GPC6: variants seen among roughly 807,000 people sequenced by gnomAD.
GPC6 encodes glypican 6.
GPC6 carries 14 observed loss-of-function variants against 55.2 expected under a neutral mutation model. The observed-to-expected ratio is 0.25, with a 90% CI of 0.17 to 0.40. GPC6 has a LOEUF of 0.40. GPC6 is among the 10% of genes least tolerant of loss of function. The pLI is 1.00. For missense variants in GPC6, 641 were observed against 708.5 expected (o/e 0.90, Z 1.08); for synonymous variants, 278 against 259.6 (o/e 1.07, Z -0.68).
intron 2 of GPC6, among the ~76,000 whole-genome samples, chr13:93,804,947 A>G (rs894849874): frequency 2.6e-5 from 4 of 152,238 alleles, no homozygotes; most frequent in Non-Finnish European, 2.9e-5. Flanking sequence ...ACATAGCAGC[A>G]GTTTATGGGC....
chr13:93,528,635 T>C (rs960804105), intron 1 of GPC6, among the ~76,000 whole-genome samples: 1 of 152,184 alleles, frequency 6.6e-6, no homozygotes. Flanking sequence ...TATTTGAATA[T>C]GAAGTTTTTG....
intron 2 of GPC6, among the ~76,000 whole-genome samples, chr13:93,656,121 G>A (rs1283817117): frequency 6.6e-6 from 1 of 152,004 alleles, no homozygotes; most frequent in Non-Finnish European, 1.5e-5. Context: ...GCAAACAGTA[G>A]GTTCATGTTT....
intron 1 of GPC6, among the ~76,000 whole-genome samples, chr13:93,297,416 C>A (rs2139088958): frequency 6.6e-6 from 1 of 152,188 alleles, no homozygotes; most frequent in Middle Eastern, 3.4e-3. Context: ...GTGTAGCAAA[C>A]CTGCACATGT....
At chr13:93,377,400 T>A (rs573835578) in intron 1 of GPC6, among the ~76,000 whole-genome samples, 1 of 151,964 alleles carries the variant, frequency 6.6e-6, no homozygotes, top group Admixed American at 6.6e-5. Context: ...AGGTGGAGAG[T>A]GTCTTGCACA....
chr13:94,187,984 A>T (rs1319311721), intron 4 of GPC6: 1 of 152,196 alleles, frequency 6.6e-6, no homozygotes, highest in East Asian at 1.9e-4. Context: ...TAATTGCTAA[A>T]TCCACACTGG....
intron 4 of GPC6, among the ~76,000 whole-genome samples, chr13:94,220,615 A>C (rs578010915): frequency 6.6e-6 from 1 of 152,232 alleles, no homozygotes; most frequent in South Asian, 2.1e-4. Context: ...TAGTCCTGGA[A>C]ACTAGAAGTT....
intron 4 of GPC6, among the ~76,000 whole-genome samples, chr13:94,062,257 G>GT (rs1460081351): frequency 4.0e-5 from 6 of 151,258 alleles, no homozygotes; most frequent in East Asian, 2.0e-4. Flanking sequence ...GTTTTGTTTT[G>GT]TTTTTTCTTT....
intron 2 of GPC6, among the ~76,000 whole-genome samples, chr13:93,752,723 A>G (rs551262437): frequency 6.6e-6 from 1 of 152,202 alleles, no homozygotes; most frequent in African/African-American, 2.4e-5. Context: ...GGACCTGAGG[A>G]CCTAAAGGCC....
At chr13:93,906,440 CAA>C (rs1330245263) in intron 3 of GPC6, among the ~76,000 whole-genome samples, 1 of 152,104 alleles carries the variant, frequency 6.6e-6, no homozygotes, top group East Asian at 1.9e-4. Flanking sequence ...CAGTGTCTTA[CAA>C]AGAGTCATTC....
chr13:93,295,288 C>T (rs1303078313), intron 1 of GPC6, among the ~76,000 whole-genome samples: 2 of 44,256 alleles, frequency 4.5e-5, no homozygotes, highest in Admixed American at 6.7e-4. Context: ...GAGACCCTGT[C>T]TCAAAAAAAA....
chr13:93,485,131 T>A (rs1180434688), intron 1 of GPC6, among the ~76,000 whole-genome samples: 1 of 152,178 alleles, frequency 6.6e-6, no homozygotes, highest in East Asian at 1.9e-4. Flanking sequence ...GAAGGCTTTT[T>A]AAAGGAATTA....
chr13:93,868,964 T>C (rs1006314598), intron 3 of GPC6, among the ~76,000 whole-genome samples: 17 of 151,850 alleles, frequency 1.1e-4, no homozygotes, highest in Non-Finnish European at 1.8e-4. Flanking sequence ...ATTCTTTATG[T>C]AGTGCTCAAT....
intron 4 of GPC6, among the ~76,000 whole-genome samples, chr13:94,028,509 T>TAA (rs35971946): frequency 0.016 from 2,352 of 147,940 alleles, 54 homozygotes; most frequent in South Asian, 0.063. Flanking sequence ...AAGAATCTTG[T>TAA]AAAAAAAAAA....
intron 4 of GPC6, among the ~76,000 whole-genome samples, chr13:94,204,159 G>A (rs1889836267): frequency 6.6e-6 from 1 of 152,112 alleles, no homozygotes; most frequent in South Asian, 2.1e-4. Context: ...AGGACAAAGA[G>A]TCAAAAAGCA....
intron 2 of GPC6, among the ~76,000 whole-genome samples, chr13:93,744,850 C>T (rs974116439): frequency 5.3e-5 from 8 of 151,662 alleles, no homozygotes; most frequent in Non-Finnish European, 1.2e-4. Context: ...GGAGAATTGC[C>T]TGAACCCAGG....
At chr13:94,172,757 AC>A (rs1327307542) in intron 4 of GPC6, among the ~76,000 whole-genome samples, 14 of 152,338 alleles carry the variant, frequency 9.2e-5, no homozygotes, top group Admixed American at 2.6e-4. Flanking sequence ...TACATAAATG[AC>A]CAAGTTACGT....
chr13:94,273,845 T>C (rs1892120615), intron 4 of GPC6, among the ~76,000 whole-genome samples: 1 of 152,222 alleles, frequency 6.6e-6, no homozygotes, highest in Admixed American at 6.5e-5. Flanking sequence ...CTATGACTCA[T>C]CTTTAAGGCA....
chr13:93,575,147 A>G (rs1282135954), intron 2 of GPC6, among the ~76,000 whole-genome samples: 1 of 152,114 alleles, frequency 6.6e-6, no homozygotes, highest in African/African-American at 2.4e-5. Flanking sequence ...TACAAAAATT[A>G]GCAGGGTGTG....
At chr13:93,634,532 A>G (rs1879612371) in intron 2 of GPC6, among the ~76,000 whole-genome samples, 1 of 152,180 alleles carries the variant, frequency 6.6e-6, no homozygotes, top group African/African-American at 2.4e-5. Context: ...TTCTTCTTTA[A>G]CAAGAAGTCA....
Sources: gnomAD v4.1 joint callset for allele counts (sites outside exome capture counted in the v4.1 genomes callset) on GRCh38, gnomAD v4.1.1 for gene constraint, MANE v1.5 for transcripts, NCBI Gene and HGNC (gene_info 2026-07-23, HGNC 2026-07-21) for gene names.